CNGB3: variants seen among roughly 807,000 people sequenced by gnomAD.
CNGB3 encodes the protein cyclic nucleotide gated channel subunit beta 3, also known as cyclic nucleotide-gated channel beta-3.
A neutral mutation model predicts 92.8 loss-of-function variants in CNGB3; 86 were observed. The observed-to-expected ratio is 0.93, with a 90% CI of 0.78 to 1.11. The LOEUF is 1.11. Ranked by LOEUF, CNGB3 falls within the 50% of genes least tolerant of loss-of-function variation. CNGB3 has a pLI of 0.00. For synonymous variants in CNGB3, 333 were observed against 332.7 expected (o/e 1.00, Z -0.01); for missense variants, 1,026 against 956.8 (o/e 1.07, Z -0.95).
At chr8:86,610,096 T>G (rs1206342726) in intron 14 of CNGB3, among the ~76,000 whole-genome samples, 1 of 152,190 alleles carries the variant, frequency 6.6e-6, no homozygotes, top group African/African-American at 2.4e-5. Context: ...CATTTTAGAA[T>G]GATATAGGAG....
At chr8:86,653,947 G>C in intron 7 of CNGB3, 65 bp downstream of exon 7, 1 of 1,055,598 alleles carries the variant, frequency 9.5e-7, no homozygotes, top group South Asian at 1.3e-5. Context: ...GAAATCTATA[G>C]ATGGGATTTA....
At chr8:86,627,885 C>G (rs1585978552) in intron 12 of CNGB3, among the ~76,000 whole-genome samples, 1 of 152,300 alleles carries the variant, frequency 6.6e-6, no homozygotes, top group African/African-American at 2.4e-5. Flanking sequence ...CTCTGCTACA[C>G]CTGAGAGCAA....
At chr8:86,737,184 T>C (rs1197388452) in intron 2 of CNGB3, among the ~76,000 whole-genome samples, 1 of 152,198 alleles carries the variant, frequency 6.6e-6, no homozygotes, top group African/African-American at 2.4e-5. Context: ...CAGAGGTGTT[T>C]TTCAAAATAA....
Position 86,667,010 on chromosome 8 carries a change from G to T in CNGB3, c.767C>A (p.Ala256Glu), listed in dbSNP as rs369083450. ...GTAGATGATATCACATATGATGTCC[G>T]CAATAAGCCAGTAGTGTATGTTGTC... ...TADNIHYWLI[A>E]DIICDIIYLY... Residue 256 changes from alanine (A) to glutamate (E), a missense_variant, in exon 6 of 18, where the codon GCG becomes GAG. Ala to Glu is a moderately radical substitution (Grantham distance 107, BLOSUM62 -1). Transcript: ENST00000320005. 9.9e-6 allele frequency: 16 copies of T among 1,613,738 alleles called. No homozygotes were observed. The African/African-American group carries it at 1.6e-4, about 16-fold the overall frequency.
At chr8:86,736,905 A>G (rs954150122) in intron 2 of CNGB3, among the ~76,000 whole-genome samples, 1 of 152,192 alleles carries the variant, frequency 6.6e-6, no homozygotes, top group Non-Finnish European at 1.5e-5. Context: ...CTAAATATTT[A>G]AAATCACATA....
intron 2 of CNGB3, among the ~76,000 whole-genome samples, chr8:86,737,459 T>C (rs1487675163): frequency 6.6e-6 from 1 of 152,204 alleles, no homozygotes; most frequent in Admixed American, 6.5e-5. Flanking sequence ...CAAGTAAGTA[T>C]GAGAGTGGGG....
rs558181376 is a variant in CNGB3, at chr8:86,696,840, C to T, written c.339-25742G>A. 1.1e-4 allele frequency among the ~76,000 whole-genome samples: 16 copies of T among 152,076 alleles called. 1 individual carries two copies. Among genetic ancestry groups the T allele is most frequent in the Admixed American group, 5.9e-4 (9 of 15,268 alleles). ...TAGGTGAAGTGTGTATCTTTTAATCCGTTCAGCCACAGTATGTCTTTTGGT... is the reference window on the plus strand; with the variant it reads ...TAGGTGAAGTGTGTATCTTTTAATCTGTTCAGCCACAGTATGTCTTTTGGT... On this transcript the variant is annotated intron_variant, in intron 3 of 17. Transcript: ENST00000320005.
At chr8:86,633,932 T>C (rs1051932245) in intron 10 of CNGB3, among the ~76,000 whole-genome samples, 5 of 152,180 alleles carry the variant, frequency 3.3e-5, no homozygotes, top group Non-Finnish European at 7.4e-5. Flanking sequence ...GGGAAATTAC[T>C]GTTGATTGTA....
Position 86,593,835 on chromosome 8 carries a change from T to C in CNGB3, c.1781+10258A>G, listed in dbSNP as rs1204980879. ...TCCACATCTGTCAGGTCAGGGAAGT[T>C]GGTCAAATTGAACTCCTGGACCCCG... On this transcript the variant is annotated intron_variant, in intron 15 of 17. Coordinates refer to ENST00000320005, the MANE Select transcript of CNGB3 (RefSeq NM_019098.5). 3.0e-6 allele frequency: 3 copies of C among 993,508 alleles called. No individual in the cohort carries two copies. In the African/African-American group the frequency reaches 4.9e-5, roughly 16 times the overall value. 61.5% of individuals were successfully genotyped at this position (993,508 alleles called of 1,614,324 possible). A position where few individuals can be genotyped will look rare whatever the true frequency, so the allele number is the denominator to read the frequency against.
At chr8:86,621,684 T>C (rs1330562320) in intron 13 of CNGB3, among the ~76,000 whole-genome samples, 1 of 152,178 alleles carries the variant, frequency 6.6e-6, no homozygotes, top group African/African-American at 2.4e-5. Flanking sequence ...ATTATTCTTA[T>C]GCCCCTGCAT....
chr8:86,641,151 C>T (rs1452659266), intron 10 of CNGB3, among the ~76,000 whole-genome samples: 2 of 151,944 alleles, frequency 1.3e-5, no homozygotes, highest in Non-Finnish European at 2.9e-5. Context: ...AAAGACACTC[C>T]CACCAGCACC....
chr8:86,596,981 A>G (rs1822185191), intron 15 of CNGB3, among the ~76,000 whole-genome samples: 1 of 150,678 alleles, frequency 6.6e-6, no homozygotes, highest in South Asian at 2.1e-4. Context: ...AACAACGAGA[A>G]CACATGGAGA....
rs117175510 is a variant in CNGB3, at chr8:86,680,049, G to A, written c.339-8951C>T. On this transcript the variant is annotated intron_variant, in intron 3 of 17. Transcript: ENST00000320005. ...AAATACATTTCTGTTTGTTAAGCCTGTGATATTTCAGTCAGTGGTATTTCA... is the reference window on the plus strand; with the variant it reads ...AAATACATTTCTGTTTGTTAAGCCTATGATATTTCAGTCAGTGGTATTTCA... Among the ~76,000 whole-genome samples the A allele has an allele frequency of 3.0e-4, 45 of 152,280 alleles. No individual in the cohort carries two copies. The East Asian group carries it at 6.0e-3, about 20-fold the overall frequency.
chr8:86,609,447 A>G (rs1403375772), intron 14 of CNGB3, among the ~76,000 whole-genome samples: 2 of 152,118 alleles, frequency 1.3e-5, no homozygotes, highest in Non-Finnish European at 2.9e-5. Flanking sequence ...CCATTTTATC[A>G]TAATCTCTCT....
intron 15 of CNGB3, among the ~76,000 whole-genome samples, chr8:86,587,838 T>C (rs1246025202): frequency 2.6e-5 from 4 of 152,044 alleles, no homozygotes; most frequent in Non-Finnish European, 5.9e-5. Flanking sequence ...TTTGGTTCCA[T>C]ATGAACTTTA....
chr8:86,731,234 A>G (rs563796733), intron 2 of CNGB3, among the ~76,000 whole-genome samples: 1 of 152,324 alleles, frequency 6.6e-6, no homozygotes, highest in Non-Finnish European at 1.5e-5. Flanking sequence ...TTTGTGAGGT[A>G]GTGAAGGCTC....
At chr8:86,650,515 T>C (rs1010596578) in intron 7 of CNGB3, among the ~76,000 whole-genome samples, 55 of 151,164 alleles carry the variant, frequency 3.6e-4, no homozygotes, top group Non-Finnish European at 1.0e-4. Context: ...TACAGAACAG[T>C]AATTAAAATA....
chr8:86,685,434 A>G (rs1824167781), intron 3 of CNGB3, among the ~76,000 whole-genome samples: 2 of 152,042 alleles, frequency 1.3e-5, no homozygotes, highest in African/African-American at 4.8e-5. Flanking sequence ...CGTTTGAGAA[A>G]CATTGTTTCA....
chr8:86,661,076 G>T (rs756090541), intron 6 of CNGB3: 11 of 222,442 alleles, frequency 4.9e-5, no homozygotes, highest in Admixed American at 2.1e-4. Flanking sequence ...TTCTTCATTC[G>T]TTCCCCCATA....
Sources: gnomAD v4.1 joint callset for allele counts (sites outside exome capture counted in the v4.1 genomes callset) on GRCh38, gnomAD v4.1.1 for gene constraint, MANE v1.5 for transcripts, NCBI Gene and HGNC (gene_info 2026-07-23, HGNC 2026-07-21) for gene names.